Variants in UACA observed in about 807,000 individuals in gnomAD.
UACA encodes the protein nuclear membrane binding protein.
A neutral mutation model predicts 160.5 loss-of-function variants in UACA; 112 were observed. The ratio of observed to expected loss-of-function variants is 0.70; its 90% CI spans 0.60 to 0.82. UACA has a LOEUF of 0.82. UACA is among the 40% of genes least tolerant of loss of function. The pLI is 0.00. For missense variants in UACA, 1,574 were observed against 1,614.6 expected (o/e 0.97, Z 0.43); for synonymous variants, 557 against 568.4 (o/e 0.98, Z 0.29).
chr15:70,763,298 G>C, intron 1 of UACA, 32 bp downstream of exon 1: 1 of 1,321,730 alleles, frequency 7.6e-7, no homozygotes, highest in Non-Finnish European at 9.7e-7. Context: ...TCCCGGAGCG[G>C]AGCGCCTCGC....
chr15:70,657,176 A>T (rs1419861413), intron 18 of UACA, 49 bp from the exon 19 acceptor site: 12 of 1,479,136 alleles, frequency 8.1e-6, no homozygotes, highest in Non-Finnish European at 1.0e-5. Context: ...ATCTTTGTTT[A>T]CATAAGAATT....
At chr15:70,763,264 G>C in intron 1 of UACA, 66 bp downstream of exon 1, 2 of 1,284,626 alleles carry the variant, frequency 1.6e-6, no homozygotes, top group South Asian at 4.8e-5. Flanking sequence ...GCGCGAACTC[G>C]CCAGCAAAGG....
At chr15:70,769,085 G>A in the UACA span, among the ~76,000 whole-genome samples, 4 of 151,984 alleles carry the variant, frequency 2.6e-5, no homozygotes, top group Non-Finnish European at 5.9e-5. Flanking sequence ...CGGGCCCGGC[G>A]CGGTGGCTCA....
intron 17 of UACA, 49 bp downstream of exon 17, chr15:70,664,613 A>G: frequency 6.4e-7 from 1 of 1,554,936 alleles, no homozygotes; most frequent in Non-Finnish European, 8.7e-7. Context: ...AACTAACTAC[A>G]GGGAGCCAGC....
intron 1 of UACA, among the ~76,000 whole-genome samples, chr15:70,756,169 C>T (rs1396262458): frequency 3.5e-5 from 5 of 144,690 alleles, no homozygotes; most frequent in Admixed American, 6.7e-5. Flanking sequence ...ACCACCCAGC[C>T]GCAATTTTTT....
At chr15:70,722,779 G>C (rs1899030142) in intron 1 of UACA, among the ~76,000 whole-genome samples, 1 of 152,124 alleles carries the variant, frequency 6.6e-6, no homozygotes, top group Non-Finnish European at 1.5e-5. Context: ...TCCTGACTGA[G>C]CATTTCAAAG....
the UACA span, among the ~76,000 whole-genome samples, chr15:70,770,684 A>T: frequency 2.0e-5 from 3 of 152,350 alleles, no homozygotes; most frequent in East Asian, 5.8e-4. Context: ...AATTAAGAAC[A>T]GTTCCTTTGA....
At position 70,729,713 on chromosome 15, in the gene UACA, C is replaced by T. The variant is rs1007479509; in HGVS notation, c.79-30053G>A. Among the ~76,000 whole-genome samples the T allele has an allele frequency of 3.9e-4, 56 of 142,770 alleles. 2 individuals are homozygous for T. The highest frequency in any genetic ancestry group is 1.3e-4 in the Non-Finnish European group (9 of 66,940). The allele number at this position is 142,770 out of a possible 152,430, so 93.7% of individuals were successfully genotyped here. On this transcript the variant is annotated intron_variant, in intron 1 of 18. Transcript: ENST00000322954. ...TCCGGTCTACAGCTCCCAGCGTGAG[C>T]GACGCAGAAGACGGTGATTTCTGCA...
At chr15:70,683,971 C>CAAA (rs774850410) in intron 8 of UACA, among the ~76,000 whole-genome samples, 1 of 129,000 alleles carries the variant, frequency 7.8e-6, no homozygotes, top group Admixed American at 7.8e-5. Context: ...CCCTCTTCAT[C>CAAA]AAAAAAAAAA....
chr15:70,729,265 G>C (rs1464037199), intron 1 of UACA, among the ~76,000 whole-genome samples: 1 of 152,086 alleles, frequency 6.6e-6, no homozygotes, highest in Non-Finnish European at 1.5e-5. Context: ...ATTCACAATA[G>C]CAAAAACATG....
At chr15:70,717,228 A>G (rs1026396017) in intron 1 of UACA, among the ~76,000 whole-genome samples, 5 of 152,218 alleles carry the variant, frequency 3.3e-5, no homozygotes, top group African/African-American at 1.2e-4. Context: ...TCTAAAAAAC[A>G]AACAAACAAT....
intron 17 of UACA, among the ~76,000 whole-genome samples, chr15:70,661,853 A>AC (rs1393727456): frequency 1.3e-5 from 2 of 152,164 alleles, no homozygotes; most frequent in Non-Finnish European, 2.9e-5. Flanking sequence ...TATTGATGGG[A>AC]CGTATCTCAA....
chr15:70,709,683 C>T (rs1898624159), intron 1 of UACA, among the ~76,000 whole-genome samples: 1 of 152,124 alleles, frequency 6.6e-6, no homozygotes, highest in African/African-American at 2.4e-5. Context: ...GAGTCCAATA[C>T]TGAATATTAA....
chr15:70,682,182 A>G (rs1897533075), intron 9 of UACA, among the ~76,000 whole-genome samples: 1 of 152,246 alleles, frequency 6.6e-6, no homozygotes, highest in Admixed American at 6.5e-5. Flanking sequence ...TTAAATAGTA[A>G]TTTAATAATA....
At chr15:70,749,989 C>T (rs367795173) in intron 1 of UACA, among the ~76,000 whole-genome samples, 1 of 152,168 alleles carries the variant, frequency 6.6e-6, no homozygotes, top group Non-Finnish European at 1.5e-5. Context: ...GCATCAAACC[C>T]AGGACATTTG....
At chr15:70,694,446 T>C (rs754621030) in intron 3 of UACA, among the ~76,000 whole-genome samples, 2 of 152,182 alleles carry the variant, frequency 1.3e-5, no homozygotes, top group Non-Finnish European at 2.9e-5. Flanking sequence ...GGGTTCCTTA[T>C]GAGGCATAAT....
chr15:70,672,966 G>A (rs1897187491), intron 13 of UACA, among the ~76,000 whole-genome samples: 1 of 151,882 alleles, frequency 6.6e-6, no homozygotes, highest in Admixed American at 6.6e-5. Flanking sequence ...TGTGGTGGCG[G>A]GCACCTGTAA....
At chr15:70,661,721 T>C (rs1350538182) in intron 17 of UACA, 3 of 152,176 alleles carry the variant, frequency 2.0e-5, no homozygotes, top group African/African-American at 7.2e-5. Flanking sequence ...GTAGGATCAC[T>C]TGAGCCCAGG....
the UACA span, among the ~76,000 whole-genome samples, chr15:70,769,008 C>T: frequency 6.6e-6 from 1 of 152,084 alleles, no homozygotes; most frequent in African/African-American, 2.4e-5. Context: ...TACTCCATCA[C>T]AACCTTTGCT....
Sources: allele counts gnomAD v4.1 joint callset (sites outside exome capture counted in the v4.1 genomes callset), GRCh38; gene constraint gnomAD v4.1.1; transcripts MANE v1.5; gene names NCBI Gene and HGNC (gene_info 2026-07-23, HGNC 2026-07-21).